TRIP11: variants seen among roughly 807,000 people sequenced by gnomAD.
TRIP11 encodes the protein thyroid receptor-interacting protein 11.
In TRIP11, 148 loss-of-function variants were observed where a neutral mutation model predicts 223.1. That is an observed-to-expected ratio of 0.66 (90% CI 0.58 to 0.76). TRIP11 has a LOEUF of 0.76. TRIP11 is among the 30% of genes least tolerant of loss of function. TRIP11 has a pLI of 0.00. For missense variants in TRIP11, 2,043 were observed against 2,222.0 expected (o/e 0.92, Z 1.62); for synonymous variants, 762 against 772.6 (o/e 0.99, Z 0.23).
chr14:91,975,338 T>G (rs1398232279), intron 17 of TRIP11, 52 bp from the exon 18 acceptor site: 1 of 1,159,182 alleles, frequency 8.6e-7, no homozygotes, highest in Non-Finnish European at 1.3e-6. Flanking sequence ...TTAAGTACAC[T>G]CAAACACTAA....
At chr14:92,025,674 C>A (rs1055437998) in intron 2 of TRIP11, among the ~76,000 whole-genome samples, 1 of 151,974 alleles carries the variant, frequency 6.6e-6, no homozygotes, top group Non-Finnish European at 1.5e-5. Context: ...GTCAGGAGAT[C>A]GAGACCATCC....
intron 2 of TRIP11, among the ~76,000 whole-genome samples, chr14:92,025,775 G>A (rs1410353445): frequency 6.6e-6 from 1 of 151,690 alleles, no homozygotes; most frequent in African/African-American, 2.4e-5. Flanking sequence ...AGCTACTCGC[G>A]AGGCTGAGGC....
intron 16 of TRIP11, 135 bp downstream of exon 16, chr14:91,988,149 G>T: frequency 1.4e-6 from 1 of 705,370 alleles, no homozygotes; most frequent in Admixed American, 2.4e-5. Flanking sequence ...AAGCAAGTCA[G>T]TCAGGGAAGA....
chr14:92,038,979 G>C (rs1432011620), intron 1 of TRIP11, among the ~76,000 whole-genome samples: 1 of 152,078 alleles, frequency 6.6e-6, no homozygotes, highest in Admixed American at 6.5e-5. Flanking sequence ...GGCGAAATGG[G>C]CGATTATACA....
chr14:92,036,303 G>A (rs1325226029), intron 1 of TRIP11, among the ~76,000 whole-genome samples: 1 of 152,110 alleles, frequency 6.6e-6, no homozygotes, highest in Non-Finnish European at 1.5e-5. Context: ...TTCTGACTTT[G>A]TCAATAAGGG....
At position 92,033,265 on chromosome 14, in the gene TRIP11, A is replaced by G; in HGVS notation, c.140-12T>C. 1.3e-6 allele frequency: 2 copies of G among 1,598,764 alleles called. No individual in the cohort carries two copies. Among genetic ancestry groups the G allele is most frequent in the Non-Finnish European group, 1.7e-6 (2 of 1,166,614 alleles). ...ATCAGGTAATTCTGCTACAAGAGAA[A>G]TAACAAATATTGAATATTTAATCAA... On this transcript the variant is annotated splice_polypyrimidine_tract_variant and intron_variant, in intron 1 of 20. Coordinates refer to ENST00000267622, the MANE Select transcript of TRIP11 (RefSeq NM_004239.4).
At chr14:92,013,721 C>A (rs901548675) in intron 7 of TRIP11, among the ~76,000 whole-genome samples, 7 of 152,002 alleles carry the variant, frequency 4.6e-5, no homozygotes, top group Middle Eastern at 3.2e-3. Flanking sequence ...AATAAGTAAA[C>A]TTATTTTTTA....
At chr14:92,029,178 TA>T (rs1486689231) in intron 2 of TRIP11, among the ~76,000 whole-genome samples, 3 of 151,630 alleles carry the variant, frequency 2.0e-5, no homozygotes, top group South Asian at 2.1e-4. Context: ...CCAACTATTT[TA>T]AAAATGACAA....
Position 91,978,821 on chromosome 14 carries a change from C to T in TRIP11, c.5261-2632G>A, listed in dbSNP as rs999116558. ...TCCCTATATAAAACATATTATCAAACAATTTCACCTATAGCTTTTTACTGT... is the reference window on the plus strand; with the variant it reads ...TCCCTATATAAAACATATTATCAAATAATTTCACCTATAGCTTTTTACTGT... On this transcript the variant is annotated intron_variant, in intron 16 of 20. Transcript: ENST00000267622. The surrounding 1 kb of genome is among the most constrained non-coding windows in gnomAD (Gnocchi z 4.4). Among the ~76,000 whole-genome samples the T allele has an allele frequency of 1.3e-5, 2 of 152,164 alleles. No homozygotes were observed. The highest frequency in any genetic ancestry group is 2.9e-5 in the Non-Finnish European group (2 of 68,022).
At chr14:91,985,494 T>C (rs780150916) in intron 16 of TRIP11, among the ~76,000 whole-genome samples, 1 of 152,236 alleles carries the variant, frequency 6.6e-6, no homozygotes, top group Non-Finnish European at 1.5e-5. Flanking sequence ...CTTTTTCATA[T>C]GTTTGACCAG....
chr14:92,031,275 T>C (rs891621509), intron 2 of TRIP11, among the ~76,000 whole-genome samples: 5 of 151,820 alleles, frequency 3.3e-5, no homozygotes, highest in African/African-American at 1.2e-4. Flanking sequence ...CCCACCACCA[T>C]ATCCAGCTAA....
At position 92,021,793 on chromosome 14, in the gene TRIP11, G is replaced by C. The variant is rs771929581; in HGVS notation, c.351C>G (p.Leu117=). The C allele has an allele frequency of 1.2e-6, 2 of 1,614,130 alleles. No individual in the cohort carries two copies. Among genetic ancestry groups the C allele is most frequent in the South Asian group, 2.2e-5 (2 of 91,080 alleles). ...ACTGCAGTTTCAGCAACTGATCCTG[G>C]AGTGCAATCTGTCTGGCTTTAAGAT... The part of the protein sequence containing the change: ...ISHLKARQIA[L]QDQLLKLQSA... The change falls in exon 4 of 21, where the codon CTC becomes CTG. Residue 117 remains leucine (L), a synonymous_variant. Transcript: ENST00000267622.
rs761057694 is a variant in TRIP11 at position 92,006,162 on chromosome 14, T to C, written c.1814A>G (p.Glu605Gly). The change falls in exon 11 of 21, where the codon GAG (glutamate) becomes GGG (glycine). Residue 605 changes from glutamate (E) to glycine (G), a missense_variant. Transcript: ENST00000267622. The part of the protein sequence containing the change: ...SQESNVSIQK[E>G]NLELKEHIRQ... ...AATATGCTCCTTAAGTTCTAAATTC[T>C]CCTTCTGGATGCTTACATTACTTTC... 6.2e-6 allele frequency: 10 copies of C among 1,613,032 alleles called. No homozygotes were observed. The highest frequency in any genetic ancestry group is 1.3e-5 in the African/African-American group (1 of 74,900).
chr14:91,994,258 C>CTT (rs539125037), intron 14 of TRIP11, among the ~76,000 whole-genome samples: 202 of 127,400 alleles, frequency 1.6e-3, no homozygotes, highest in African/African-American at 2.6e-3. Context: ...ACCTCAAAAA[C>CTT]TTTTTTTTTT....
At chr14:91,981,683 G>A (rs1205195834) in intron 16 of TRIP11, among the ~76,000 whole-genome samples, 3 of 152,218 alleles carry the variant, frequency 2.0e-5, no homozygotes, top group South Asian at 2.1e-4. Context: ...ATGGGCCACC[G>A]TGCCCAGCCC....
chr14:92,032,306 T>C (rs964253421), intron 2 of TRIP11, among the ~76,000 whole-genome samples: 2 of 151,718 alleles, frequency 1.3e-5, no homozygotes, highest in Admixed American at 1.3e-4. Flanking sequence ...CACCACCACA[T>C]CCAGCTAATT....
Position 91,993,823 on chromosome 14 carries a change from C to T in TRIP11, c.5146G>A (p.Val1716Met), listed in dbSNP as rs1566852431. ...KKNAENLEGK[V>M]ISLQECLDEA... ...TTTTGTCCTACCTGTAATGATATCA[C>T]TTTTCCTTCCAGATTTTCTGCGTTT... is the stretch of plus-strand genomic sequence containing the variant. The change falls in exon 15 of 21, where the codon GTG (valine) becomes ATG (methionine). Residue 1716 changes from valine to methionine, a missense_variant. Physicochemically the swap from Val to Met is conservative, Grantham distance 21 (BLOSUM62 1). Coordinates refer to ENST00000267622, the MANE Select transcript of TRIP11 (RefSeq NM_004239.4). 1 of 1,613,444 alleles carries T rather than the reference C, an allele frequency of 6.2e-7. No homozygotes were observed. Among genetic ancestry groups the T allele is most frequent in the Non-Finnish European group, 8.5e-7 (1 of 1,179,640 alleles).
rs753501220 is a variant in TRIP11, at chr14:91,969,887, G to C, written c.5726C>G (p.Ala1909Gly). Residue 1909 changes from alanine to glycine, a missense_variant, in exon 21 of 21, where the codon GCA becomes GGA. Physicochemically the swap from Ala to Gly is moderately conservative, Grantham distance 60. Coordinates refer to ENST00000267622, the MANE Select transcript of TRIP11 (RefSeq NM_004239.4). Reference protein sequence around the residue: ...TNAPESFKDTAESRSGRRTDV... With the variant: ...TNAPESFKDTGESRSGRRTDV... The stretch of plus-strand genomic sequence containing the variant: ...TGTTCTTCTACCAGACCTGGATTCT[G>C]CTGTATCTAAAGAATAAAATATGGA... 1.5e-5 allele frequency: 24 copies of C among 1,613,480 alleles called. No individual in the cohort carries two copies.
At chr14:91,995,917 C>T (rs1390106253) in intron 13 of TRIP11, among the ~76,000 whole-genome samples, 1 of 152,018 alleles carries the variant, frequency 6.6e-6, no homozygotes, top group Non-Finnish European at 1.5e-5. Context: ...CCCCTGGCCT[C>T]TTATTGCTTT....
Sources: allele counts gnomAD v4.1 joint callset (sites outside exome capture counted in the v4.1 genomes callset), GRCh38; gene constraint gnomAD v4.1.1; non-coding constraint Gnocchi (gnomAD v3.1); transcripts MANE v1.5; gene names NCBI Gene and HGNC (gene_info 2026-07-23, HGNC 2026-07-21).